GRID1: variants seen among roughly 807,000 people sequenced by gnomAD.
GRID1 encodes glutamate ionotropic receptor delta type subunit 1, also known as glutamate receptor ionotropic, delta-1.
A neutral mutation model predicts 98.0 loss-of-function variants in GRID1; 28 were observed. The ratio of observed to expected loss-of-function variants is 0.29; its 90% CI spans 0.21 to 0.39. The LOEUF is 0.39. GRID1 is among the 10% of genes least tolerant of loss of function. GRID1 has a pLI of 1.00. For missense variants in GRID1, 1,111 were observed against 1,340.5 expected (o/e 0.83, Z 2.67); for synonymous variants, 553 against 538.5 (o/e 1.03, Z -0.37).
At chr10:85,877,487 G>T (rs966008699) in intron 5 of GRID1, among the ~76,000 whole-genome samples, 1 of 152,172 alleles carries the variant, frequency 6.6e-6, no homozygotes, top group Non-Finnish European at 1.5e-5. Context: ...TGCAGCCACC[G>T]CTGCTGACAC....
intron 8 of GRID1, among the ~76,000 whole-genome samples, chr10:85,818,872 C>G (rs34149932): frequency 0.22 from 33,236 of 151,918 alleles, 3,823 homozygotes; most frequent in South Asian, 0.27. Context: ...CACATGCCAC[C>G]ACACCTGGAT....
chr10:86,169,495 G>A (rs1216626241), intron 3 of GRID1, among the ~76,000 whole-genome samples: 3 of 152,228 alleles, frequency 2.0e-5, no homozygotes, highest in Non-Finnish European at 2.9e-5. Flanking sequence ...GTACCCACAT[G>A]TGCCCAGTTC....
chr10:86,078,866 C>G (rs369021191), intron 4 of GRID1, among the ~76,000 whole-genome samples: 2 of 152,318 alleles, frequency 1.3e-5, no homozygotes, highest in Admixed American at 6.5e-5. Context: ...CTGAGGGGAG[C>G]CAGCAAGGGT....
intron 5 of GRID1, among the ~76,000 whole-genome samples, chr10:85,902,354 G>C (rs2222546): frequency 0.36 from 55,040 of 152,084 alleles, 10,934 homozygotes; most frequent in African/African-American, 0.52. Flanking sequence ...CTATGCAGAA[G>C]AGCATGCGAT....
chr10:85,687,581 G>C (rs1476749212), intron 12 of GRID1, among the ~76,000 whole-genome samples: 1 of 151,992 alleles, frequency 6.6e-6, no homozygotes, highest in Non-Finnish European at 1.5e-5. Context: ...AATGAGCTAA[G>C]ATGGCGTCAC....
chr10:86,239,230 G>A (rs1386029257), intron 2 of GRID1, among the ~76,000 whole-genome samples: 1 of 152,228 alleles, frequency 6.6e-6, no homozygotes, highest in Non-Finnish European at 1.5e-5. Flanking sequence ...TGGGTTTTGG[G>A]CTTGCATGGG....
intron 2 of GRID1, among the ~76,000 whole-genome samples, chr10:86,323,636 C>T (rs779220941): frequency 9.2e-5 from 14 of 152,104 alleles, no homozygotes; most frequent in Non-Finnish European, 1.5e-4. Flanking sequence ...TGCCAGCGGC[C>T]GGGGGAGTGG....
At chr10:85,685,745 A>G (rs1264233747) in intron 12 of GRID1, among the ~76,000 whole-genome samples, 2 of 152,180 alleles carry the variant, frequency 1.3e-5, no homozygotes, top group East Asian at 1.9e-4. Flanking sequence ...ATGCCTACAT[A>G]CTTTATTTAT....
intron 4 of GRID1, among the ~76,000 whole-genome samples, chr10:86,017,240 G>T (rs749591130): frequency 1.3e-5 from 2 of 152,208 alleles, no homozygotes; most frequent in African/African-American, 4.8e-5. Context: ...ACTGAAAATA[G>T]AATTCCGGGC....
chr10:85,984,034 C>T (rs1380899919), intron 4 of GRID1, among the ~76,000 whole-genome samples: 1 of 152,082 alleles, frequency 6.6e-6, no homozygotes, highest in Non-Finnish European at 1.5e-5. Flanking sequence ...TCCTCCCCAC[C>T]CTGGCGACTG....
At chr10:86,069,229 T>A (rs572158388) in intron 4 of GRID1, among the ~76,000 whole-genome samples, 63 of 152,104 alleles carry the variant, frequency 4.1e-4, no homozygotes, top group Admixed American at 2.6e-3. Flanking sequence ...GACACGATGA[T>A]GTAACAGTTG....
chr10:86,170,678 C>A (rs1039326312), intron 3 of GRID1, among the ~76,000 whole-genome samples: 1 of 152,144 alleles, frequency 6.6e-6, no homozygotes, highest in African/African-American at 2.4e-5. Flanking sequence ...CACACACATA[C>A]ACACACACAC....
chr10:85,636,905 T>C (rs1475199567), intron 13 of GRID1, among the ~76,000 whole-genome samples: 4 of 152,166 alleles, frequency 2.6e-5, no homozygotes, highest in Non-Finnish European at 5.9e-5. Context: ...CCTACAGAAA[T>C]AAATGTAGTA....
chr10:85,743,250 C>T (rs73328668), intron 8 of GRID1, among the ~76,000 whole-genome samples: 2,858 of 152,124 alleles, frequency 0.019, 76 homozygotes, highest in African/African-American at 0.065. Context: ...CTTCCAATCA[C>T]CTCTGCCAAA....
chr10:86,132,910 C>T (rs748608590), intron 4 of GRID1, among the ~76,000 whole-genome samples: 27 of 152,158 alleles, frequency 1.8e-4, no homozygotes, highest in Non-Finnish European at 1.8e-4. Flanking sequence ...CCCCTTCCAC[C>T]TTTTTCCTTA....
chr10:85,960,163 G>A (rs1159803159), intron 4 of GRID1, among the ~76,000 whole-genome samples: 3 of 152,332 alleles, frequency 2.0e-5, no homozygotes, highest in Non-Finnish European at 4.4e-5. Flanking sequence ...ACCTCCAGAA[G>A]TGCTGGGATT....
chr10:86,150,116 T>G (rs1208517098), intron 3 of GRID1, among the ~76,000 whole-genome samples: 1 of 152,256 alleles, frequency 6.6e-6, no homozygotes, highest in Admixed American at 6.5e-5. Context: ...GTCCTGCTGC[T>G]TTGATGCCAT....
chr10:86,231,740 A>T (rs900928530), intron 2 of GRID1, among the ~76,000 whole-genome samples: 1 of 152,228 alleles, frequency 6.6e-6, no homozygotes, highest in African/African-American at 2.4e-5. Flanking sequence ...GTCATTAGAC[A>T]GCTGACCTCA....
chr10:85,735,974 A>G (rs1590210613), intron 8 of GRID1, among the ~76,000 whole-genome samples: 2 of 111,448 alleles, frequency 1.8e-5, no homozygotes, highest in South Asian at 3.5e-4. Context: ...AAGAAGGGAG[A>G]GAGGGAGAAA....
Sources: gnomAD v4.1 joint callset for allele counts (sites outside exome capture counted in the v4.1 genomes callset) on GRCh38, gnomAD v4.1.1 for gene constraint, MANE v1.5 for transcripts, NCBI Gene and HGNC (gene_info 2026-07-23, HGNC 2026-07-21) for gene names.